STAB1: variants seen among roughly 807,000 people sequenced by gnomAD.
STAB1 encodes stabilin 1, also known as stabilin-1.
In STAB1, 250 loss-of-function variants were observed where a neutral mutation model predicts 332.4. The ratio of observed to expected loss-of-function variants is 0.75; its 90% CI spans 0.68 to 0.84. The LOEUF (loss-of-function observed/expected upper bound fraction) is 0.84, where lower values mean the gene tolerates loss of function less well. Ranked by LOEUF, STAB1 falls within the 40% of genes least tolerant of loss-of-function variation. STAB1 has a pLI of 0.00. For synonymous variants in STAB1, 1,475 were observed against 1,390.4 expected (o/e 1.06, Z -1.35); for missense variants, 3,249 against 3,489.7 (o/e 0.93, Z 1.74).
At chr3:52,507,815 G>T (rs1319208420) in intron 19 of STAB1, 116 bp from the exon 20 acceptor site, 2 of 1,447,226 alleles carry the variant, frequency 1.4e-6, no homozygotes, top group Non-Finnish European at 1.9e-6. Flanking sequence ...CAGCCCCACT[G>T]GACCAGGGTT....
At chr3:52,515,617 A>G (rs1436385923) in intron 37 of STAB1, 111 bp downstream of exon 37, 2 of 1,180,758 alleles carry the variant, frequency 1.7e-6, no homozygotes, top group Non-Finnish European at 2.5e-6. Flanking sequence ...CTGGGCTGGG[A>G]CTAGGGTGAG....
chr3:52,498,662 A>C (rs572202570), intron 1 of STAB1, among the ~76,000 whole-genome samples: 1 of 152,324 alleles, frequency 6.6e-6, no homozygotes, highest in South Asian at 2.1e-4. Flanking sequence ...CTGAGCCCTT[A>C]TCCAGAGCTG....
rs566567660 is a variant in STAB1 at position 52,520,829 on chromosome 3, T to C, written c.5732T>C (p.Phe1911Ser). 7.1e-5 allele frequency: 115 copies of C among 1,612,712 alleles called. No homozygotes were observed. Among genetic ancestry groups the C allele is most frequent in the Non-Finnish European group, 9.0e-5 (106 of 1,180,024 alleles). The change falls in exon 55 of 69, where the codon TTC becomes TCC. Residue 1911 changes from phenylalanine to serine, a missense_variant. By Grantham distance (155) the Phe-to-Ser change is radical. Transcript: ENST00000321725. Reference protein sequence around the residue: ...EQGSPEACWRFYPKFWTSPPL... With the variant: ...EQGSPEACWRSYPKFWTSPPL... ...GGCAGCCCTGAGGCCTGCTGGCGCT[T>C]CTACCCGAAGTTCTGGACGTCCCCT...
intron 44 of STAB1, 93 bp from the exon 45 acceptor site, chr3:52,517,788 G>T: frequency 6.3e-7 from 1 of 1,594,520 alleles, no homozygotes; most frequent in South Asian, 1.1e-5. Context: ...CTGGGGGGCT[G>T]AGCAGGGGCC....
chr3:52,500,243 TG>T (rs1284973544), intron 1 of STAB1, among the ~76,000 whole-genome samples: 2 of 152,234 alleles, frequency 1.3e-5, no homozygotes, highest in Non-Finnish European at 2.9e-5. Flanking sequence ...CCTTTGCTTC[TG>T]CTGTCCCCTA....
chr3:52,496,592 G>A (rs1216654882), intron 1 of STAB1, among the ~76,000 whole-genome samples: 2 of 152,228 alleles, frequency 1.3e-5, no homozygotes, highest in African/African-American at 2.4e-5. Context: ...CTGAGAAGGC[G>A]ACAGTGATGG....
chr3:52,504,531 C>G lies in STAB1; in HGVS notation c.1221C>G (p.Phe407Leu). ...FTVLVPSVSS[F>L]SSRTMNASLA... ...TGCTGGTGCCATCCGTCTCCTCCTT[C>G]TCCTCCAGGACCATGAATGTAAGCC... The change falls in exon 11 of 69, where the codon TTC (phenylalanine) becomes TTG (leucine). Residue 407 changes from phenylalanine to leucine, a missense_variant. Coordinates refer to ENST00000321725, the MANE Select transcript of STAB1 (RefSeq NM_015136.3). The G allele has an allele frequency of 6.2e-7, 1 of 1,614,094 alleles. No individual in the cohort carries two copies. Among genetic ancestry groups the G allele is most frequent in the Non-Finnish European group, 8.5e-7 (1 of 1,180,022 alleles).
Position 52,495,394 on chromosome 3 carries a change from G to A in STAB1, c.-20G>A, listed in dbSNP as rs1461792696. 34 of 1,335,832 alleles carry A rather than the reference G, an allele frequency of 2.5e-5. No homozygotes were observed. The highest frequency in any genetic ancestry group is 3.2e-5 in the Non-Finnish European group (33 of 1,036,266). 82.7% of individuals were successfully genotyped at this position (1,335,832 alleles called of 1,614,324 possible). A position where few individuals can be genotyped will look rare whatever the true frequency, so the allele number is the denominator to read the frequency against. ...ATTCCCTACGCCCCGACTCTGTCCT[G>A]GACAGCGTGCCCACCAGCCATGGCG... On this transcript the variant is annotated 5_prime_UTR_variant, in exon 1 of 69. Transcript: ENST00000321725.
intron 12 of STAB1, 36 bp from the exon 13 acceptor site, chr3:52,504,967 A>T (rs199513934): frequency 1.2e-6 from 2 of 1,612,916 alleles, no homozygotes; most frequent in Non-Finnish European, 8.5e-7. Context: ...GGGGGCTGGC[A>T]TATGGGATCT....
chr3:52,521,528 G>GC lies in STAB1; in HGVS notation c.6058+22dup, dbSNP rs749368302. ...TTGTCAAGGTGGGCCATCCCTGCCT[G>GC]CCCCACGGCCCGATTCCTTTGGCCC... is the stretch of plus-strand genomic sequence containing the variant. On this transcript the variant is annotated intron_variant, in intron 56 of 68. Coordinates refer to ENST00000321725, the MANE Select transcript of STAB1 (RefSeq NM_015136.3). The GC allele has an allele frequency of 8.7e-6, 14 of 1,613,774 alleles. No individual in the cohort carries two copies. The highest frequency in any genetic ancestry group is 9.3e-6 in the Non-Finnish European group (11 of 1,180,018).
In STAB1 at chr3:52,522,345, G is replaced by A. The variant is rs1161293195; in HGVS notation, c.6481G>A (p.Glu2161Lys). 2 of 1,613,030 alleles carry A rather than the reference G, an allele frequency of 1.2e-6. No homozygotes were observed. The highest frequency in any genetic ancestry group is 1.1e-5 in the South Asian group (1 of 91,088). The change falls in exon 60 of 69, where the codon GAG (glutamate) becomes AAG (lysine). Residue 2161 changes from glutamate (E) to lysine (K), a missense_variant. Glu to Lys is a moderately conservative substitution (Grantham distance 56). Coordinates refer to ENST00000321725, the MANE Select transcript of STAB1 (RefSeq NM_015136.3). ...CCAACCCCAGAACACACGGCGCTGT[G>A]AGTGCCACGCAGGCTACGTAGGCGA... ...LSTGLNTRRC[E>K]CHAGYVGDGL... is the part of the protein sequence containing the mutation.
Position 52,513,899 on chromosome 3 carries a change from G to T in STAB1, c.3365G>T (p.Arg1122Leu). 6.2e-7 allele frequency: 1 copy of T among 1,604,568 alleles called. No homozygotes were observed. Among genetic ancestry groups the T allele is most frequent in the East Asian group, 2.2e-5 (1 of 44,642 alleles). ...HILSQVLLPP[R>L]GDVPGGQGLL... ...CTGTACCAGGTCTTACTGCCCCCCC[G>T]AGGGGATGTGCCCGGTGGGCAGGGG... The change falls in exon 32 of 69, where the codon CGA (arginine) becomes CTA (leucine). Residue 1122 changes from arginine to leucine, a missense_variant. By Grantham distance (102) the Arg-to-Leu change is moderately radical. Coordinates refer to ENST00000321725, the MANE Select transcript of STAB1 (RefSeq NM_015136.3).
At chr3:52,522,969 C>T (rs759226608) in intron 62 of STAB1, 29 bp downstream of exon 62, 2 of 1,602,692 alleles carry the variant, frequency 1.2e-6, no homozygotes, top group East Asian at 2.2e-5. Flanking sequence ...ACCCTACTTC[C>T]CCTGCTCTGC....
intron 20 of STAB1, 27 bp downstream of exon 20, chr3:52,508,053 C>G: frequency 6.2e-7 from 1 of 1,604,214 alleles, no homozygotes; most frequent in Non-Finnish European, 8.5e-7. Flanking sequence ...GTGCCCACTC[C>G]CAGGTCACCT....
rs1047652789 is a variant in STAB1 at position 52,507,986 on chromosome 3, T to G, written c.2108T>G (p.Leu703Arg). 6.8e-6 allele frequency: 11 copies of G among 1,613,532 alleles called. No homozygotes were observed. The highest frequency in any genetic ancestry group is 9.3e-6 in the Non-Finnish European group (11 of 1,179,992). ...CATGACCCAACGGGGCTCAATGTGC[T>G]AAAGAAGGGCTGTGCCAGCTACTGC... Reference protein sequence around the residue: ...YIHDPTGLNVLKKGCASYCNQ... With the variant: ...YIHDPTGLNVRKKGCASYCNQ... The change falls in exon 20 of 69, where the codon CTA becomes CGA. Residue 703 changes from leucine to arginine, a missense_variant. Physicochemically the swap from Leu to Arg is moderately radical, Grantham distance 102. Coordinates refer to ENST00000321725, the MANE Select transcript of STAB1 (RefSeq NM_015136.3).
At chr3:52,521,232 G>A (rs1417702698) in intron 55 of STAB1, 129 bp from the exon 56 acceptor site, 2 of 1,344,580 alleles carry the variant, frequency 1.5e-6, no homozygotes, top group African/African-American at 1.4e-5. Flanking sequence ...CAGGACATGG[G>A]CCTGGAGGGA....
rs768014919 is a variant in STAB1, at chr3:52,519,965, C to T, written c.5257C>T (p.Leu1753Phe). ...LLKVAGLLPL[L>F]REASHRPFTM... is the part of the protein sequence containing the mutation. ...CCAGGTGGCCGGCCTCCTGCCCCTG[C>T]TTCGAGAGGCATCCCATAGGCCCTT... Residue 1753 changes from leucine to phenylalanine, a missense_variant, in exon 51 of 69, where the codon CTT (leucine) becomes TTT (phenylalanine). Physicochemically the swap from Leu to Phe is conservative, Grantham distance 22. Transcript: ENST00000321725. 5 of 1,590,640 alleles carry T rather than the reference C, an allele frequency of 3.1e-6. No individual in the cohort carries two copies. Among genetic ancestry groups the T allele is most frequent in the Admixed American group, 1.7e-5 (1 of 57,150 alleles).
In STAB1 at chr3:52,512,759, G is replaced by C. The variant is rs1400557450; in HGVS notation, c.3028-69G>C. The C allele has an allele frequency of 9.3e-6, 15 of 1,607,644 alleles. No homozygotes were observed. The East Asian group carries it at 2.5e-4, about 26-fold the overall frequency. The stretch of plus-strand genomic sequence containing the variant: ...AGGTTGGGGGCAGGGCTGGAGCCTA[G>C]AGCAGGGGATCTGAAGATGATGGCT... On this transcript the variant is annotated intron_variant, in intron 28 of 68. Transcript: ENST00000321725.
In STAB1 at chr3:52,495,507, T is replaced by A; in HGVS notation, c.78+16T>A. ...CAGGGGGCAGGTAAGTGTGAGCCAGTCGCAGGGGCACACGGCGTCTGGGCC... is the reference window on the plus strand; with the variant it reads ...CAGGGGGCAGGTAAGTGTGAGCCAGACGCAGGGGCACACGGCGTCTGGGCC... On this transcript the variant is annotated intron_variant, in intron 1 of 68. Transcript: ENST00000321725. 1 of 1,321,692 alleles carries A rather than the reference T, an allele frequency of 7.6e-7. No homozygotes were observed. The highest frequency in any genetic ancestry group is 9.7e-7 in the Non-Finnish European group (1 of 1,027,886). The allele number at this position is 1,321,692 out of a possible 1,614,324, so 81.9% of individuals were successfully genotyped here. A position where few individuals can be genotyped will look rare whatever the true frequency, so the allele number is the denominator to read the frequency against.
Sources: allele counts gnomAD v4.1 joint callset (sites outside exome capture counted in the v4.1 genomes callset), GRCh38; gene constraint gnomAD v4.1.1; transcripts MANE v1.5; gene names NCBI Gene and HGNC (gene_info 2026-07-23, HGNC 2026-07-21).